The following THRB variants were observed in gnomAD, a reference collection of about 807,000 sequenced individuals.
THRB encodes the protein thyroid hormone receptor beta, also known as nuclear receptor subfamily 1 group A member 2.
In THRB, 12 loss-of-function variants were observed where a neutral mutation model predicts 47.8. The observed-to-expected ratio is 0.25, with a 90% CI of 0.16 to 0.41. THRB has a LOEUF of 0.41. Ranked by LOEUF, THRB falls within the 10% of genes least tolerant of loss-of-function variation. THRB has a pLI of 1.00. For missense variants in THRB, 348 were observed against 589.2 expected (o/e 0.59, Z 4.24); for synonymous variants, 218 against 212.2 (o/e 1.03, Z -0.24).
chr3:24,463,113 G>C (rs1305313895), intron 1 of THRB, among the ~76,000 whole-genome samples: 1 of 152,206 alleles, frequency 6.6e-6, no homozygotes, highest in African/African-American at 2.4e-5. Context: ...CCTCTAGCCA[G>C]GGCTAGTTAA....
At chr3:24,201,778 T>TC (rs2044624729) in intron 4 of THRB, among the ~76,000 whole-genome samples, 2 of 152,194 alleles carry the variant, frequency 1.3e-5, no homozygotes, top group Admixed American at 1.3e-4. Flanking sequence ...TAAATTTGGT[T>TC]CATAAAATGG....
At chr3:24,429,246 T>C (rs2070112819) in intron 1 of THRB, among the ~76,000 whole-genome samples, 1 of 150,548 alleles carries the variant, frequency 6.6e-6, no homozygotes, top group African/African-American at 2.4e-5. Context: ...TTGACATATA[T>C]ACTATATGTT....
intron 4 of THRB, among the ~76,000 whole-genome samples, chr3:24,192,564 A>C (rs2043476953): frequency 6.6e-6 from 1 of 152,208 alleles, no homozygotes; most frequent in South Asian, 2.1e-4. Context: ...AAAAACAGCC[A>C]AACTGGGTAG....
intron 1 of THRB, among the ~76,000 whole-genome samples, chr3:24,377,391 T>C (rs2065371095): frequency 6.6e-6 from 1 of 151,992 alleles, no homozygotes; most frequent in African/African-American, 2.4e-5. Context: ...GACTGTCCTC[T>C]TTGGCATAGG....
At chr3:24,207,653 C>A (rs529930777) in intron 4 of THRB, among the ~76,000 whole-genome samples, 1 of 152,074 alleles carries the variant, frequency 6.6e-6, no homozygotes, top group Non-Finnish European at 1.5e-5. Flanking sequence ...AGTGCAGAAA[C>A]CCCAAAGCCA....
At position 24,278,128 on chromosome 3, in the gene THRB, T is replaced by C. The variant is rs532952627; in HGVS notation, c.-43+19098A>G. ...GATATGCAGAAAAATTAAAGGGAACTGAATTACAGATTACACAACAGAAAG... is the reference window on the plus strand; with the variant it reads ...GATATGCAGAAAAATTAAAGGGAACCGAATTACAGATTACACAACAGAAAG... On this transcript the variant is annotated intron_variant, in intron 3 of 10. Coordinates refer to ENST00000646209, the MANE Select transcript of THRB (RefSeq NM_001354712.2). Among the ~76,000 whole-genome samples, 10 of 152,310 alleles carry C rather than the reference T, an allele frequency of 6.6e-5. No homozygotes were observed. In the South Asian group the frequency reaches 1.9e-3, roughly 28 times the overall value.
chr3:24,253,363 G>A (rs826227), intron 3 of THRB, among the ~76,000 whole-genome samples: 98,497 of 151,996 alleles, frequency 0.65, 32,468 homozygotes, highest in Middle Eastern at 0.74. Flanking sequence ...TGCCAGCCAT[G>A]CCCCAGACAA....
intron 1 of THRB, among the ~76,000 whole-genome samples, chr3:24,468,767 T>C (rs1161691797): frequency 1.3e-5 from 2 of 152,234 alleles, no homozygotes. Flanking sequence ...AATTTAAACA[T>C]TTTAAATGTT....
chr3:24,411,740 AAG>A (rs2068319131), intron 1 of THRB, among the ~76,000 whole-genome samples: 1 of 151,704 alleles, frequency 6.6e-6, no homozygotes. Context: ...GGGATGGAGA[AAG>A]AGGATGGTGC....
chr3:24,254,802 C>A (rs2051082074), intron 3 of THRB, among the ~76,000 whole-genome samples: 1 of 152,198 alleles, frequency 6.6e-6, no homozygotes, highest in Admixed American at 6.5e-5. Flanking sequence ...GCACGTACAC[C>A]ATTTTTATTT....
At chr3:24,487,549 G>A (rs1365672388) in intron 1 of THRB, among the ~76,000 whole-genome samples, 4 of 152,150 alleles carry the variant, frequency 2.6e-5, no homozygotes. Context: ...GAAGCAAAAA[G>A]TAATAATATA....
At chr3:24,371,561 G>A (rs2064912857) in intron 1 of THRB, among the ~76,000 whole-genome samples, 3 of 151,982 alleles carry the variant, frequency 2.0e-5, no homozygotes, top group Admixed American at 2.0e-4. Flanking sequence ...ATTACTCATG[G>A]TTACCGTTCC....
At chr3:24,356,864 C>T in intron 1 of THRB, among the ~76,000 whole-genome samples, 1 of 152,130 alleles carries the variant, frequency 6.6e-6, no homozygotes, top group East Asian at 1.9e-4. Flanking sequence ...GGCTTTCCTT[C>T]TCCCACCCTC....
At chr3:24,476,586 G>A (rs976781884) in intron 1 of THRB, among the ~76,000 whole-genome samples, 2 of 152,086 alleles carry the variant, frequency 1.3e-5, no homozygotes, top group Non-Finnish European at 2.9e-5. Flanking sequence ...TTACGGAACC[G>A]CACTACCAAT....
intron 3 of THRB, among the ~76,000 whole-genome samples, chr3:24,244,092 G>A (rs2049866229): frequency 1.3e-5 from 2 of 152,114 alleles, no homozygotes; most frequent in Admixed American, 1.3e-4. Flanking sequence ...GTGAGGGATT[G>A]GTTTAAGGAT....
At chr3:24,456,743 TAA>T (rs1281681537) in intron 1 of THRB, among the ~76,000 whole-genome samples, 1 of 151,892 alleles carries the variant, frequency 6.6e-6, no homozygotes, top group Non-Finnish European at 1.5e-5. Flanking sequence ...TCTGATAATA[TAA>T]GATAGTATAC....
intron 1 of THRB, among the ~76,000 whole-genome samples, chr3:24,356,378 T>A (rs1489361189): frequency 6.6e-6 from 1 of 152,080 alleles, no homozygotes. Flanking sequence ...GCCCTGATGA[T>A]CTCTGAATTG....
intron 8 of THRB, among the ~76,000 whole-genome samples, chr3:24,137,560 T>A (rs1436251300): frequency 6.6e-6 from 1 of 152,020 alleles, no homozygotes; most frequent in Non-Finnish European, 1.5e-5. Flanking sequence ...GGAAGAACAC[T>A]CAAGGCAGAG....
chr3:24,324,800 C>T (rs2058704614), intron 2 of THRB, among the ~76,000 whole-genome samples: 1 of 152,174 alleles, frequency 6.6e-6, no homozygotes, highest in Non-Finnish European at 1.5e-5. Flanking sequence ...ATGGGATATG[C>T]TCAAATCTTT....
Sources: gnomAD v4.1 joint callset for allele counts (sites outside exome capture counted in the v4.1 genomes callset) on GRCh38, gnomAD v4.1.1 for gene constraint, MANE v1.5 for transcripts, NCBI Gene and HGNC (gene_info 2026-07-23, HGNC 2026-07-21) for gene names.